WWOX: variants seen among roughly 807,000 people sequenced by gnomAD.
WWOX encodes the protein WW domain containing oxidoreductase.
In WWOX, 69 loss-of-function variants were observed where a neutral mutation model predicts 46.2. The ratio of observed to expected loss-of-function variants is 1.49; its 90% CI spans 1.23 to 1.82. WWOX has a LOEUF of 1.82. WWOX is among the 40% of genes most tolerant of loss of function. WWOX has a pLI of 0.00. For synonymous variants in WWOX, 359 were observed against 202.6 expected (o/e 1.77, Z -6.56); for missense variants, 919 against 542.6 (o/e 1.69, Z -6.89).
chr16:78,475,175 A>T (rs555581960), intron 8 of WWOX, among the ~76,000 whole-genome samples: 1 of 152,178 alleles, frequency 6.6e-6, no homozygotes, highest in Non-Finnish European at 1.5e-5. Flanking sequence ...CATTAATAGG[A>T]TATGTCTAGA....
chr16:78,660,882 T>C (rs2047194079), intron 8 of WWOX, among the ~76,000 whole-genome samples: 1 of 152,216 alleles, frequency 6.6e-6, no homozygotes, highest in African/African-American at 2.4e-5. Context: ...TAATAGTATC[T>C]TGGAGATTAT....
intron 8 of WWOX, among the ~76,000 whole-genome samples, chr16:79,070,179 C>G (rs184670268): frequency 6.6e-6 from 1 of 152,130 alleles, no homozygotes; most frequent in Non-Finnish European, 1.5e-5. Flanking sequence ...GCTGCAGTGC[C>G]TAATGTTTAT....
At chr16:79,121,953 A>G (rs898387291) in intron 8 of WWOX, among the ~76,000 whole-genome samples, 2 of 152,112 alleles carry the variant, frequency 1.3e-5, no homozygotes, top group African/African-American at 4.8e-5. Context: ...ACAAAACCCT[A>G]CTTACGTGCT....
intron 4 of WWOX, among the ~76,000 whole-genome samples, chr16:78,149,696 A>G (rs1213353385): frequency 1.3e-5 from 2 of 152,184 alleles, no homozygotes; most frequent in African/African-American, 4.8e-5. Flanking sequence ...GCATGTACAC[A>G]TATGAGAAGC....
At chr16:78,176,689 A>G (rs1567613646) in intron 5 of WWOX, among the ~76,000 whole-genome samples, 1 of 152,218 alleles carries the variant, frequency 6.6e-6, no homozygotes, top group Non-Finnish European at 1.5e-5. Flanking sequence ...CAGGTGCTGG[A>G]GCAGAAAGAA....
chr16:78,856,006 C>T (rs1188507347), intron 8 of WWOX, among the ~76,000 whole-genome samples: 1 of 152,198 alleles, frequency 6.6e-6, no homozygotes, highest in Non-Finnish European at 1.5e-5. Flanking sequence ...AGGTGACTAA[C>T]TTTATCTAAC....
At chr16:79,094,009 T>TATGA (rs1438857807) in intron 8 of WWOX, among the ~76,000 whole-genome samples, 1 of 152,158 alleles carries the variant, frequency 6.6e-6, no homozygotes. Context: ...CGAATACATG[T>TATGA]ATGAATGAAT....
chr16:78,321,833 A>C (rs1350235775), intron 5 of WWOX, among the ~76,000 whole-genome samples: 1 of 152,066 alleles, frequency 6.6e-6, no homozygotes, highest in Admixed American at 6.5e-5. Context: ...CGACGCTTGG[A>C]GGCTGGGGAG....
chr16:78,874,035 G>T (rs1030670559), intron 8 of WWOX, among the ~76,000 whole-genome samples: 14 of 151,866 alleles, frequency 9.2e-5, no homozygotes, highest in African/African-American at 3.4e-4. Flanking sequence ...GCCGGGGTGG[G>T]CGGATCACAA....
chr16:78,261,314 T>TACATAC (rs1364637738), intron 5 of WWOX, among the ~76,000 whole-genome samples: 7 of 139,498 alleles, frequency 5.0e-5, no homozygotes, highest in Non-Finnish European at 1.1e-4. Flanking sequence ...TACATACATA[T>TACATAC]AAAATTAGGT....
chr16:78,381,809 A>G (rs905741706), intron 5 of WWOX, among the ~76,000 whole-genome samples: 1 of 152,148 alleles, frequency 6.6e-6, no homozygotes. Context: ...ACATATAGGT[A>G]GGAAGGAATG....
At position 78,541,811 on chromosome 16, in the gene WWOX, A is replaced by G. The variant is rs181541795; in HGVS notation, c.1056+109059A>G. Among the ~76,000 whole-genome samples, 6 of 152,270 alleles carry G rather than the reference A, an allele frequency of 3.9e-5. No individual in the cohort carries two copies. In the East Asian group the frequency reaches 5.8e-4, roughly 15 times the overall value. On this transcript the variant is annotated intron_variant, in intron 8 of 8. Transcript: ENST00000566780. ...CTAGGAACTCAGCAAATGGACTACTATGAAGTATTAGCTTTTTACTGTTTC... is the reference window on the plus strand; with the variant it reads ...CTAGGAACTCAGCAAATGGACTACTGTGAAGTATTAGCTTTTTACTGTTTC...
intron 5 of WWOX, among the ~76,000 whole-genome samples, chr16:78,314,701 GTT>G (rs920575863): frequency 4.9e-5 from 3 of 61,306 alleles, no homozygotes; most frequent in South Asian, 5.6e-4. Flanking sequence ...TTTTTTTTTT[GTT>G]TTTTTTTTTT....
At chr16:78,432,018 T>G (rs904493830) in intron 7 of WWOX, among the ~76,000 whole-genome samples, 1 of 152,184 alleles carries the variant, frequency 6.6e-6, no homozygotes, top group Non-Finnish European at 1.5e-5. Context: ...ACATGACCTG[T>G]GTTTATATTG....
At chr16:78,430,384 C>G (rs75935243) in intron 7 of WWOX, among the ~76,000 whole-genome samples, 6,784 of 152,110 alleles carry the variant, frequency 0.045, 487 homozygotes, top group African/African-American at 0.15. Flanking sequence ...TCTGAAAGTG[C>G]TTTTATTCAT....
intron 8 of WWOX, among the ~76,000 whole-genome samples, chr16:78,792,650 A>C (rs1020573203): frequency 6.6e-6 from 1 of 152,196 alleles, no homozygotes; most frequent in African/African-American, 2.4e-5. Flanking sequence ...TTAGTAAGGA[A>C]AGAGGAAGGA....
At chr16:79,069,027 T>C (rs1597344550) in intron 8 of WWOX, among the ~76,000 whole-genome samples, 1 of 152,094 alleles carries the variant, frequency 6.6e-6, no homozygotes, top group South Asian at 2.1e-4. Context: ...TATGTCTAAG[T>C]TTCCGACTTG....
intron 8 of WWOX, among the ~76,000 whole-genome samples, chr16:78,615,800 G>C (rs919307658): frequency 1.3e-5 from 2 of 151,594 alleles, no homozygotes. Flanking sequence ...GCCCAGGCTG[G>C]AGTGCAGTGG....
At chr16:79,104,464 G>C (rs899640776) in intron 8 of WWOX, among the ~76,000 whole-genome samples, 3 of 152,046 alleles carry the variant, frequency 2.0e-5, no homozygotes, top group African/African-American at 7.2e-5. Flanking sequence ...TATCATATTT[G>C]TAAAACAAAT....
Sources: allele counts gnomAD v4.1 joint callset (sites outside exome capture counted in the v4.1 genomes callset), GRCh38; gene constraint gnomAD v4.1.1; transcripts MANE v1.5; gene names NCBI Gene and HGNC (gene_info 2026-07-23, HGNC 2026-07-21).